Variants in SLC4A10 observed in about 807,000 individuals in gnomAD.
SLC4A10 encodes sodium-driven chloride bicarbonate exchanger.
In SLC4A10, 42 loss-of-function variants were observed where a neutral mutation model predicts 137.7. The observed-to-expected ratio is 0.30, with a 90% confidence interval of 0.24 to 0.39. The LOEUF (loss-of-function observed/expected upper bound fraction) is 0.39. Ranked by LOEUF, SLC4A10 falls within the 10% of genes least tolerant of loss-of-function variation. SLC4A10 has a pLI of 1.00. For missense variants in SLC4A10, 925 were observed against 1,355.0 expected (o/e 0.68, Z 4.98); for synonymous variants, 474 against 464.1 (o/e 1.02, Z -0.27).
chr2:161,752,397 A>G (rs950838920), intron 1 of SLC4A10, among the ~76,000 whole-genome samples: 1 of 152,022 alleles, frequency 6.6e-6, no homozygotes, highest in Non-Finnish European at 1.5e-5. Context: ...TAAGGTGATG[A>G]ATGGTAGTTT....
intron 1 of SLC4A10, among the ~76,000 whole-genome samples, chr2:161,696,575 A>G (rs1044241021): frequency 1.8e-4 from 27 of 148,670 alleles, no homozygotes; most frequent in Middle Eastern, 3.6e-3. Context: ...TTGTTCTTGC[A>G]ATAGTTTAAT....
intron 6 of SLC4A10, among the ~76,000 whole-genome samples, chr2:161,865,312 A>G (rs1195068578): frequency 6.6e-6 from 1 of 152,080 alleles, no homozygotes; most frequent in East Asian, 1.9e-4. Context: ...TCACAAATCT[A>G]CATATAGTCA....
rs1309520112 is a variant in SLC4A10 at position 161,900,465 on chromosome 2, C to T, written c.1342-446C>T. On this transcript the variant is annotated intron_variant, in intron 11 of 26. Coordinates refer to ENST00000446997, the MANE Select transcript of SLC4A10 (RefSeq NM_001178015.2). Reference sequence around the variant, plus strand: ...ACACCTCCTCACGCCAACCTACCCACATCCTGATCTCTCTCTTTGCCCCTT... The same window carrying T: ...ACACCTCCTCACGCCAACCTACCCATATCCTGATCTCTCTCTTTGCCCCTT... 3.3e-5 allele frequency among the ~76,000 whole-genome samples: 5 copies of T among 152,228 alleles called. No homozygotes were observed. The East Asian group carries it at 7.7e-4, about 24-fold the overall frequency.
chr2:161,939,470 C>T (rs967328287), intron 15 of SLC4A10, among the ~76,000 whole-genome samples: 42 of 152,172 alleles, frequency 2.8e-4, no homozygotes, highest in African/African-American at 8.2e-4. Flanking sequence ...TCCATCATCC[C>T]TGTAACCTCT....
intron 1 of SLC4A10, among the ~76,000 whole-genome samples, chr2:161,677,890 A>G (rs928979748): frequency 2.6e-5 from 4 of 152,158 alleles, no homozygotes; most frequent in Non-Finnish European, 5.9e-5. Context: ...TGGCAGTACA[A>G]TGTTACTTTA....
At chr2:161,909,876 G>A (rs1685414200) in intron 15 of SLC4A10, among the ~76,000 whole-genome samples, 1 of 152,052 alleles carries the variant, frequency 6.6e-6, no homozygotes, top group African/African-American at 2.4e-5. Flanking sequence ...CACTTTTAGT[G>A]GCTTTCTTGT....
intron 1 of SLC4A10, among the ~76,000 whole-genome samples, chr2:161,660,167 A>T (rs888364240): frequency 6.6e-6 from 1 of 152,250 alleles, no homozygotes; most frequent in Admixed American, 6.5e-5. Flanking sequence ...TGTATGGTAT[A>T]TGAATTACAT....
At chr2:161,680,081 G>A (rs1357604809) in intron 1 of SLC4A10, among the ~76,000 whole-genome samples, 3 of 151,970 alleles carry the variant, frequency 2.0e-5, no homozygotes, top group Admixed American at 6.6e-5. Context: ...TTTCCATAAA[G>A]ACCTGGATGA....
At chr2:161,901,742 C>A (rs1447804106) in intron 12 of SLC4A10, among the ~76,000 whole-genome samples, 1 of 152,032 alleles carries the variant, frequency 6.6e-6, no homozygotes, top group Non-Finnish European at 1.5e-5. Context: ...CCTGAGCACT[C>A]TGCATTTTAA....
chr2:161,799,985 A>G (rs1258431450), intron 2 of SLC4A10, among the ~76,000 whole-genome samples: 2 of 152,016 alleles, frequency 1.3e-5, no homozygotes, highest in Non-Finnish European at 2.9e-5. Flanking sequence ...TATATACAAT[A>G]AGCAAATCTT....
At chr2:161,839,432 A>G (rs2059035555) in intron 3 of SLC4A10, among the ~76,000 whole-genome samples, 1 of 152,196 alleles carries the variant, frequency 6.6e-6, no homozygotes, top group Admixed American at 6.5e-5. Flanking sequence ...CCCATAAAAT[A>G]TACCATATAT....
chr2:161,977,852 G>T (rs1249734194), intron 26 of SLC4A10, 92 bp downstream of exon 26: 2 of 1,260,518 alleles, frequency 1.6e-6, no homozygotes, highest in Non-Finnish European at 2.1e-6. Flanking sequence ...TGTCCTCTGT[G>T]TGAGTTTTGG....
rs199580799 is a variant in SLC4A10, at chr2:161,921,691, TACAA to T, written c.1997+15809_1997+15812del. Among the ~76,000 whole-genome samples the T allele has an allele frequency of 6.0e-4, 92 of 152,338 alleles. No homozygotes were observed. In the East Asian group the frequency reaches 0.016, roughly 27 times the overall value. On this transcript the variant is annotated intron_variant, in intron 15 of 26. Coordinates refer to ENST00000446997, the MANE Select transcript of SLC4A10 (RefSeq NM_001178015.2). ...TGTGGGACAAGTATTATCCCTGCTT[TACAA>T]ACAATCAATCTGAGGCTCCAACAGG...
chr2:161,794,832 C>T (rs1256979001), intron 2 of SLC4A10, among the ~76,000 whole-genome samples: 1 of 151,916 alleles, frequency 6.6e-6, no homozygotes. Context: ...GGTGTTTTCC[C>T]TGAACATAAA....
intron 4 of SLC4A10, among the ~76,000 whole-genome samples, chr2:161,852,522 A>T (rs1224841619): frequency 6.6e-6 from 1 of 152,212 alleles, no homozygotes; most frequent in African/African-American, 2.4e-5. Context: ...AAAACCATCT[A>T]TTTTTATCTA....
chr2:161,804,975 A>G (rs995902737), intron 3 of SLC4A10, among the ~76,000 whole-genome samples: 1 of 152,178 alleles, frequency 6.6e-6, no homozygotes, highest in African/African-American at 2.4e-5. Context: ...ATGTTGTATT[A>G]GTCCGTTTTC....
intron 1 of SLC4A10, among the ~76,000 whole-genome samples, chr2:161,756,006 T>C (rs1310101383): frequency 6.6e-6 from 1 of 151,962 alleles, no homozygotes; most frequent in African/African-American, 2.4e-5. Flanking sequence ...CCTGACCTTG[T>C]GATCCACCCC....
chr2:161,652,589 T>G (rs1319336686), intron 1 of SLC4A10, among the ~76,000 whole-genome samples: 1 of 152,196 alleles, frequency 6.6e-6, no homozygotes, highest in Admixed American at 6.5e-5. Context: ...ATATTTTTAT[T>G]TTATAGTGGC....
chr2:161,734,247 T>C (rs1203459696), intron 1 of SLC4A10, among the ~76,000 whole-genome samples: 1 of 152,202 alleles, frequency 6.6e-6, no homozygotes, highest in Non-Finnish European at 1.5e-5. Flanking sequence ...AAATCTCATC[T>C]GGAATTGTAC....
Sources: allele counts gnomAD v4.1 joint callset (sites outside exome capture counted in the v4.1 genomes callset), GRCh38; gene constraint gnomAD v4.1.1; transcripts MANE v1.5; gene names NCBI Gene and HGNC (gene_info 2026-07-23, HGNC 2026-07-21).